GSTA1: variants seen among roughly 807,000 people sequenced by gnomAD.
The protein encoded by GSTA1 is glutathione S-transferase A1.
In GSTA1, 23 loss-of-function variants were observed where a neutral mutation model predicts 21.5. The observed-to-expected ratio is 1.07, with a 90% CI of 0.77 to 1.52. The LOEUF is 1.52. Ranked by LOEUF, GSTA1 falls within the 40% of genes most tolerant of loss-of-function variation. GSTA1 has a pLI of 0.00. For synonymous variants in GSTA1, 125 were observed against 90.0 expected (o/e 1.39, Z -2.20); for missense variants, 301 against 264.2 (o/e 1.14, Z -0.96).
intron 3 of GSTA1, among the ~76,000 whole-genome samples, chr6:52,796,606 T>G (rs1763597232): frequency 6.9e-6 from 1 of 144,202 alleles, no homozygotes; most frequent in African/African-American, 2.6e-5. Context: ...TGGAGTGGCA[T>G]GATCTTGGCT....
At chr6:52,795,325 C>A (rs1182244951) in intron 4 of GSTA1, among the ~76,000 whole-genome samples, 2 of 152,082 alleles carry the variant, frequency 1.3e-5, no homozygotes, top group Admixed American at 6.6e-5. Flanking sequence ...AATATCTTTC[C>A]ATTGCATGGC....
At chr6:52,802,316 G>T (rs553272441) in intron 1 of GSTA1, among the ~76,000 whole-genome samples, 1 of 152,298 alleles carries the variant, frequency 6.6e-6, no homozygotes, top group East Asian at 1.9e-4. Context: ...TTTCTTATCA[G>T]AGAGAAGGGA....
At chr6:52,796,541 A>AT (rs1198221761) in intron 3 of GSTA1, among the ~76,000 whole-genome samples, 39 of 34,292 alleles carry the variant, frequency 1.1e-3, no homozygotes, top group African/African-American at 2.4e-3. Context: ...ATATATATAT[A>AT]TATTTTTTTT....
Position 52,791,994 on chromosome 6 carries a change from A to G in GSTA1, c.547-14T>C. On this transcript the variant is annotated splice_polypyrimidine_tract_variant and intron_variant, in intron 6 of 6. Transcript: ENST00000334575. ...GGTTTTCAGGGCCTGTAATTCATAA[A>G]GCACAGCCTCAGAGTGAAGCCAAGG... 6.2e-7 allele frequency: 1 copy of G among 1,613,920 alleles called. No individual in the cohort carries two copies. Among genetic ancestry groups the G allele is most frequent in the East Asian group, 2.2e-5 (1 of 44,884 alleles).
At chr6:52,799,387 G>A in intron 1 of GSTA1, 90 bp from the exon 2 acceptor site, 1 of 795,972 alleles carries the variant, frequency 1.3e-6, no homozygotes, top group Non-Finnish European at 2.0e-6. Flanking sequence ...CAACAATACT[G>A]AAGAAGAACC....
rs1763469674 is a variant in GSTA1, at chr6:52,791,949, G to A, written c.578C>T (p.Thr193Ile). The A allele has an allele frequency of 6.2e-7, 1 of 1,613,822 alleles. No individual in the cohort carries two copies. The highest frequency in any genetic ancestry group is 1.7e-5 in the Admixed American group (1 of 59,984). The change falls in exon 7 of 7, where the codon ACA becomes ATA. Residue 193 changes from threonine to isoleucine, a missense_variant. Transcript: ENST00000334575. The stretch of plus-strand genomic sequence containing the variant: ...GCCAGGCTGTAGAAACTTCTTCACT[G>A]TGGGCAGGTTGCTGATTCTGGTTTT... ...ALKTRISNLP[T>I]VKKFLQPGSP...
chr6:52,803,101 G>T (rs1384625482), intron 1 of GSTA1, among the ~76,000 whole-genome samples: 2 of 152,096 alleles, frequency 1.3e-5, no homozygotes, highest in Non-Finnish European at 2.9e-5. Flanking sequence ...GGGAGGGAAA[G>T]GGGGTTACAA....
chr6:52,803,606 G>A (rs544077390), intron 1 of GSTA1, among the ~76,000 whole-genome samples, 179 bp downstream of exon 1: 118 of 152,160 alleles, frequency 7.8e-4, no homozygotes, highest in African/African-American at 2.6e-3. Context: ...CTGTAAAGAT[G>A]TATCCAACAG....
At chr6:52,792,814 G>A (rs750598013) in intron 6 of GSTA1, 42 bp downstream of exon 6, 2 of 1,613,196 alleles carry the variant, frequency 1.2e-6, no homozygotes, top group South Asian at 2.2e-5. Flanking sequence ...ATCCCAAGAT[G>A]GGAGATGTGG....
At chr6:52,795,952 G>A (rs993183598) in intron 4 of GSTA1, among the ~76,000 whole-genome samples, 4 of 152,122 alleles carry the variant, frequency 2.6e-5, no homozygotes, top group African/African-American at 9.7e-5. Context: ...TTACCGTGAG[G>A]TGCTGGATCC....
At position 52,793,088 on chromosome 6, in the gene GSTA1, G is replaced by A. The variant is rs544971009; in HGVS notation, c.415-101C>T. The A allele has an allele frequency of 2.6e-6, 4 of 1,537,800 alleles. No homozygotes were observed. In the South Asian group the frequency reaches 3.4e-5, roughly 13 times the overall value. On this transcript the variant is annotated intron_variant, in intron 5 of 6. Coordinates refer to ENST00000334575, the MANE Select transcript of GSTA1 (RefSeq NM_145740.5). ...CACCCTGACTTTCCCCACCTCTGTTGCCTTACTGCATGGGTGCAGAAATCC... is the reference window on the plus strand; with the variant it reads ...CACCCTGACTTTCCCCACCTCTGTTACCTTACTGCATGGGTGCAGAAATCC...
At chr6:52,802,102 A>G (rs1376634980) in intron 1 of GSTA1, among the ~76,000 whole-genome samples, 1 of 152,198 alleles carries the variant, frequency 6.6e-6, no homozygotes, top group Non-Finnish European at 1.5e-5. Context: ...CTTGGAAGAA[A>G]AAATTGATAA....
At chr6:52,797,830 C>G (rs1314485457) in intron 2 of GSTA1, among the ~76,000 whole-genome samples, 193 bp from the exon 3 acceptor site, 4 of 152,164 alleles carry the variant, frequency 2.6e-5, no homozygotes, top group African/African-American at 9.7e-5. Flanking sequence ...GGTCACAGCA[C>G]ATAGCTGCTA....
chr6:52,802,873 G>A (rs1376704773), intron 1 of GSTA1, among the ~76,000 whole-genome samples: 1 of 151,858 alleles, frequency 6.6e-6, no homozygotes, highest in African/African-American at 2.4e-5. Flanking sequence ...TTCCTTTTTA[G>A]CTCCTGTACA....
intron 6 of GSTA1, among the ~76,000 whole-genome samples, 187 bp from the exon 7 acceptor site, chr6:52,792,167 T>C (rs1181061418): frequency 6.6e-6 from 1 of 152,184 alleles, no homozygotes; most frequent in Non-Finnish European, 1.5e-5. Context: ...CTCACTTTAT[T>C]TTCCCCAAAG....
chr6:52,794,017 C>T (rs1763517552), intron 5 of GSTA1, 108 bp downstream of exon 5: 5 of 1,381,406 alleles, frequency 3.6e-6, no homozygotes, highest in Non-Finnish European at 5.1e-6. Flanking sequence ...CATTGGTGTT[C>T]AGGAAGTCTC....
rs561416108 is a variant in GSTA1 at position 52,797,732 on chromosome 6, C to T, written c.88-95G>A. On this transcript the variant is annotated intron_variant, in intron 2 of 6. Transcript: ENST00000334575. ...CATCTGGTGCATCATTTGGAGAATA[C>T]AAGATTTCTGAGTTTGGCAGGGTAC... is the stretch of plus-strand genomic sequence containing the variant. 2.4e-4 allele frequency: 267 copies of T among 1,120,914 alleles called. 2 individuals are homozygous for T. The highest frequency in any genetic ancestry group is 7.9e-4 in the South Asian group (61 of 77,174). The allele number at this position is 1,120,914 out of a possible 1,614,324, so 69.4% of individuals were successfully genotyped here. A position where few individuals can be genotyped will look rare whatever the true frequency, so the allele number is the denominator to read the frequency against.
At chr6:52,797,181 T>G in intron 3 of GSTA1, among the ~76,000 whole-genome samples, 1 of 152,082 alleles carries the variant, frequency 6.6e-6, no homozygotes. Flanking sequence ...CCAGTCCCAC[T>G]CCCCCCATGA....
intron 5 of GSTA1, 130 bp downstream of exon 5, chr6:52,793,995 G>T (rs1296847237): frequency 3.7e-6 from 4 of 1,086,994 alleles, no homozygotes; most frequent in Non-Finnish European, 5.5e-6. Context: ...TGCCTTGAGA[G>T]TCAGAGTGCT....
Sources: gnomAD v4.1 joint callset for allele counts (sites outside exome capture counted in the v4.1 genomes callset) on GRCh38, gnomAD v4.1.1 for gene constraint, MANE v1.5 for transcripts, NCBI Gene and HGNC (gene_info 2026-07-23, HGNC 2026-07-21) for gene names.